The following DOCK11 variants were observed in gnomAD, a reference collection of about 807,000 sequenced individuals.
DOCK11 encodes the protein dedicator of cytokinesis protein 11.
Under a neutral mutation model 169.1 loss-of-function variants are expected in DOCK11, and 70 were observed. The observed-to-expected ratio is 0.41, with a 90% CI of 0.34 to 0.51. The LOEUF (loss-of-function observed/expected upper bound fraction) is 0.51, where lower values mean the gene tolerates loss of function less well. Ranked by LOEUF, DOCK11 falls within the 20% of genes least tolerant of loss-of-function variation. The pLI, the probability that DOCK11 is intolerant of heterozygous loss-of-function variation, is 0.10. For missense variants in DOCK11, 1,166 were observed against 1,538.8 expected (o/e 0.76, Z 4.05); for synonymous variants, 529 against 541.3 (o/e 0.98, Z 0.32).
At chrX:118,674,095 G>T (rs769994899) in intron 46 of DOCK11, among the ~76,000 whole-genome samples, 4 of 111,741 alleles carry the variant, frequency 3.6e-5, no homozygotes, top group Non-Finnish European at 7.5e-5. Flanking sequence ...TCAGATAAGG[G>T]ATACTCAGCC....
intron 48 of DOCK11, among the ~76,000 whole-genome samples, chrX:118,679,431 A>G (rs952474848): frequency 8.9e-6 from 1 of 112,181 alleles, no homozygotes; most frequent in African/African-American, 3.2e-5. Context: ...ATTAAAAGTA[A>G]TGTCAGTGAC....
chrX:118,644,441 A>G (rs1341491085), intron 40 of DOCK11, among the ~76,000 whole-genome samples: 3 of 112,043 alleles, frequency 2.7e-5, no homozygotes, highest in African/African-American at 9.7e-5. Context: ...TTATGAATTA[A>G]TCTATGGGAA....
At chrX:118,662,371 C>G (rs1291638988) in intron 44 of DOCK11, among the ~76,000 whole-genome samples, 1 of 112,027 alleles carries the variant, frequency 8.9e-6, no homozygotes, top group African/African-American at 3.2e-5. Flanking sequence ...CAAATGTATA[C>G]AGGATCAAAG....
chrX:118,595,576 A>T (rs1438471953), intron 20 of DOCK11, among the ~76,000 whole-genome samples: 1 of 111,962 alleles, frequency 8.9e-6, no homozygotes, highest in Non-Finnish European at 1.9e-5. Context: ...TGGCAGAACG[A>T]TGAGAACCCA....
chrX:118,608,315 A>G lies in DOCK11; in HGVS notation c.2836A>G (p.Lys946Glu). The change falls in exon 26 of 53, where the codon AAA becomes GAA. Residue 946 changes from lysine (K) to glutamate (E), a missense_variant. By Grantham distance (56) the Lys-to-Glu change is moderately conservative. Coordinates refer to ENST00000276202, the MANE Select transcript of DOCK11 (RefSeq NM_144658.4). ...GGCTACTACGATGATAGCAATATTG[A>G]AACAGTCTGCAGATTTTTTATCAAT... is the stretch of plus-strand genomic sequence containing the variant. ...TLATTMIAIL[K>E]QSADFLSINK... is the part of the protein sequence containing the mutation. 1 of 1,211,201 alleles carries G rather than the reference A, an allele frequency of 8.3e-7. No homozygotes were observed. The highest frequency in any genetic ancestry group is 1.8e-5 in the South Asian group (1 of 56,891).
At chrX:118,670,563 G>A (rs12860207) in intron 45 of DOCK11, among the ~76,000 whole-genome samples, 17,093 of 110,636 alleles carry the variant, frequency 0.15, 968 homozygotes, top group Middle Eastern at 0.29. Context: ...TCGAATCATT[G>A]TAATAAACAC....
chrX:118,528,026 T>C (rs769360959), intron 1 of DOCK11, among the ~76,000 whole-genome samples: 2 of 112,820 alleles, frequency 1.8e-5, no homozygotes, highest in South Asian at 7.3e-4. Context: ...GGCATCATTG[T>C]GGAGGCATCT....
intron 1 of DOCK11, among the ~76,000 whole-genome samples, chrX:118,515,138 C>G (rs748224210): frequency 1.8e-5 from 2 of 112,198 alleles, no homozygotes; most frequent in South Asian, 7.5e-4. Flanking sequence ...TCAGGTCTCC[C>G]GCTGCCTCTT....
At position 118,544,645 on chromosome X, in the gene DOCK11, C is replaced by CTTTTTTTTTTTTTTTTTTTTTT. The variant is rs1157804079; in HGVS notation, c.393-667_393-646dup. On this transcript the variant is annotated intron_variant, in intron 4 of 52. Coordinates refer to ENST00000276202, the MANE Select transcript of DOCK11 (RefSeq NM_144658.4). ...TGCAAGAGCCAGAATTACACTGTTG[C>CTTTTTTTTTTTTTTTTTTTTTT]TTTTTTTTTTTTTTTTTTTTTTTTT... is the stretch of plus-strand genomic sequence containing the variant. Among the ~76,000 whole-genome samples, 4 of 23,361 alleles carry CTTTTTTTTTTTTTTTTTTTTTT rather than the reference C, an allele frequency of 1.7e-4. 1 individual carries two copies. Among genetic ancestry groups the CTTTTTTTTTTTTTTTTTTTTTT allele is most frequent in the Admixed American group, 7.1e-4 (1 of 1,410 alleles). The allele number at this position is 23,361 out of a possible 115,157, so 20.3% of individuals were successfully genotyped here. A position where few individuals can be genotyped will look rare whatever the true frequency, so the allele number is the denominator to read the frequency against.
Position 118,543,572 on chromosome X carries a change from G to A in DOCK11, c.371G>A (p.Gly124Glu). 1 of 1,207,800 alleles carries A rather than the reference G, an allele frequency of 8.3e-7. No homozygotes were observed. The change falls in exon 4 of 53, where the codon GGG (glycine) becomes GAG (glutamate). Residue 124 changes from glycine to glutamate, a missense_variant. Physicochemically the swap from Gly to Glu is moderately conservative, Grantham distance 98 (BLOSUM62 -2). Coordinates refer to ENST00000276202, the MANE Select transcript of DOCK11 (RefSeq NM_144658.4). ...VVNYKYEDFS[G>E]DFRMLPCKSL... Reference sequence around the variant, plus strand: ...AACTACAAGTATGAGGACTTCTCTGGGGACTTTCGAATGTTGCCATGGTAA... The same window carrying A: ...AACTACAAGTATGAGGACTTCTCTGAGGACTTTCGAATGTTGCCATGGTAA...
chrX:118,527,129 G>C (rs2011394916), intron 1 of DOCK11, among the ~76,000 whole-genome samples: 1 of 112,053 alleles, frequency 8.9e-6, no homozygotes, highest in Admixed American at 9.5e-5. Flanking sequence ...TGTATTTCAT[G>C]TACTGTATAT....
At position 118,681,846 on chromosome X, in the gene DOCK11, C is replaced by T. The variant is rs768234045; in HGVS notation, c.5963+52C>T. On this transcript the variant is annotated intron_variant, in intron 51 of 52. Coordinates refer to ENST00000276202, the MANE Select transcript of DOCK11 (RefSeq NM_144658.4). ...GACCCGTGTTCGTTTTCTCTATTTT[C>T]TTCTTTTAAAAAACAACAAAGTATT... 1.2e-3 allele frequency: 1,159 copies of T among 982,974 alleles called. 7 individuals are homozygous for T. In the South Asian group the frequency reaches 0.02, roughly 17 times the overall value. The allele number at this position is 982,974 out of a possible 1,213,427, so 81.0% of individuals were successfully genotyped here. A position where few individuals can be genotyped will look rare whatever the true frequency, so the allele number is the denominator to read the frequency against.
chrX:118,574,142 G>T, intron 12 of DOCK11, 124 bp downstream of exon 12: 1 of 753,037 alleles, frequency 1.3e-6, no homozygotes. Context: ...TCTGTCGATA[G>T]AGATTTTTCT....
intron 48 of DOCK11, among the ~76,000 whole-genome samples, 171 bp downstream of exon 48, chrX:118,676,908 A>G (rs911569173): frequency 9.0e-6 from 1 of 110,924 alleles, no homozygotes. Flanking sequence ...TCAAATCTCT[A>G]CTCTCTGCCA....
intron 40 of DOCK11, among the ~76,000 whole-genome samples, chrX:118,646,681 G>C (rs764530453): frequency 9.0e-6 from 1 of 111,647 alleles, no homozygotes; most frequent in East Asian, 2.8e-4. Context: ...TCCCTTAAAT[G>C]TTTATTTTCA....
At position 118,599,147 on chromosome X, in the gene DOCK11, T is replaced by C. The variant is rs749914668; in HGVS notation, c.2481T>C (p.His827=). Residue 827 remains histidine, a synonymous_variant, in exon 23 of 53, where the codon CAT becomes CAC. Coordinates refer to ENST00000276202, the MANE Select transcript of DOCK11 (RefSeq NM_144658.4). ...TTCCATCTGTGTTCCAGGATCTGCA[T>C]GTGCACAAATTCTTCCATCATTGCC... ...LESTIYTQDL[H]VHKFFHHCQL... is the part of the protein sequence containing the mutation. The C allele has an allele frequency of 4.1e-6, 5 of 1,207,685 alleles. No homozygotes were observed. Among genetic ancestry groups the C allele is most frequent in the Middle Eastern group, 2.3e-4 (1 of 4,369 alleles).
intron 1 of DOCK11, among the ~76,000 whole-genome samples, chrX:118,524,874 G>A (rs1175418850): frequency 9.0e-6 from 1 of 111,663 alleles, no homozygotes; most frequent in Non-Finnish European, 1.9e-5. Context: ...TAGACTGGGA[G>A]AGGTGGCTCA....
At position 118,543,538 on chromosome X, in the gene DOCK11, C is replaced by G. The variant is rs140632685; in HGVS notation, c.337C>G (p.His113Asp). The part of the protein sequence containing the change: ...ECIKTYSTDW[H>D]VVNYKYEDFS... Reference sequence around the variant, plus strand: ...TATTAAAACCTATAGCACAGATTGGCACGTGGTAAACTACAAGTATGAGGA... The same window carrying G: ...TATTAAAACCTATAGCACAGATTGGGACGTGGTAAACTACAAGTATGAGGA... Residue 113 changes from histidine to aspartate, a missense_variant, in exon 4 of 53, where the codon CAC (histidine) becomes GAC (aspartate). Transcript: ENST00000276202. The G allele has an allele frequency of 3.7e-3, 4,455 of 1,207,114 alleles. 5 individuals are homozygous for G. The highest frequency in any genetic ancestry group is 4.7e-3 in the Non-Finnish European group (4,161 of 892,202).
intron 18 of DOCK11, among the ~76,000 whole-genome samples, chrX:118,589,897 A>G (rs2013930189): frequency 8.9e-6 from 1 of 112,613 alleles, no homozygotes. Context: ...TAAGCTTTAC[A>G]GGCCTGGTTT....
Sources: allele counts gnomAD v4.1 joint callset (sites outside exome capture counted in the v4.1 genomes callset), GRCh38; gene constraint gnomAD v4.1.1; transcripts MANE v1.5; gene names NCBI Gene and HGNC (gene_info 2026-07-23, HGNC 2026-07-21).